The following PRAMEF13 variants were observed in gnomAD, a reference collection of about 807,000 sequenced individuals.
The protein encoded by PRAMEF13 is PRAME family member 13, also known as PRAME family member-like.
A neutral mutation model predicts 13.2 loss-of-function variants in PRAMEF13; 2 were observed. The ratio of observed to expected loss-of-function variants is 0.15; its 90% CI spans 0.06 to 0.48. The LOEUF (loss-of-function observed/expected upper bound fraction) is 0.48. Among genes scored for constraint, PRAMEF13 ranks in the 20% least tolerant of loss-of-function variants. PRAMEF13 has a pLI of 0.97. For missense variants in PRAMEF13, 52 were observed against 276.4 expected, an observed-to-expected ratio of 0.19 and a Z score of 5.76; for synonymous variants, 23 against 108.5, an observed-to-expected ratio of 0.21 and a Z score of 4.90.
Position 13,199,372 on chromosome 1 carries a change from A to G in PRAMEF13, c.218T>C (p.Leu73Pro), listed in dbSNP as rs1638667658. ...CAATGCTTTTAAGGTCTCCAAATGAAGCGTCTTCATCAGTGATCCCAGAGG... is the reference window on the plus strand; with the variant it reads ...CAATGCTTTTAAGGTCTCCAAATGAGGCGTCTTCATCAGTGATCCCAGAGG... ...CLPLGSLMKT[L>P]HLETLKALLE... The change falls in exon 2 of 4, where the codon CTT becomes CCT. Residue 73 changes from leucine to proline, a missense_variant. Physicochemically the swap from Leu to Pro is moderately conservative, Grantham distance 98. Transcript: ENST00000625019. The G allele has an allele frequency of 2.5e-6, 1 of 396,508 alleles. No individual in the cohort carries two copies. The highest frequency in any genetic ancestry group is 2.4e-5 in the South Asian group (1 of 41,182). The allele number at this position is 396,508 out of a possible 1,614,324, so 24.6% of individuals were successfully genotyped here.
At position 13,198,501 on chromosome 1, in the gene PRAMEF13, C is replaced by T. The variant is rs1638660376; in HGVS notation, c.693G>A (p.Met231Ile). Reference protein sequence around the residue: ...IRKLRCYLKEMKTLGKLVFSR... With the variant: ...IRKLRCYLKEIKTLGKLVFSR... ...AGAAAACGAGTTTGCCAAGAGTCTT[C>T]ATCTCCTTCAGGTAACAACGAAGCT... Residue 231 changes from methionine to isoleucine, a missense_variant, in exon 3 of 4, where the codon ATG becomes ATA. Transcript: ENST00000625019. 1 of 968,868 alleles carries T rather than the reference C, an allele frequency of 1.0e-6. No homozygotes were observed. Among genetic ancestry groups the T allele is most frequent in the African/African-American group, 1.7e-5 (1 of 60,188 alleles). The allele number at this position is 968,868 out of a possible 1,614,324, so 60.0% of individuals were successfully genotyped here. A position where few individuals can be genotyped will look rare whatever the true frequency, so the allele number is the denominator to read the frequency against.
Position 13,199,290 on chromosome 1 carries a change from T to A in PRAMEF13, c.287+13A>T. 3.6e-6 allele frequency: 1 copy of A among 280,188 alleles called. No homozygotes were observed. Among genetic ancestry groups the A allele is most frequent in the Non-Finnish European group, 6.7e-6 (1 of 148,636 alleles). The allele number at this position is 280,188 out of a possible 1,614,324, so 17.4% of individuals were successfully genotyped here. A position where few individuals can be genotyped will look rare whatever the true frequency, so the allele number is the denominator to read the frequency against. Reference sequence around the variant, plus strand: ...CCTGAGCCCTATCTACCAGCCCTCCTGGGTCACCTCACCTGGGGCGATCCT... The same window carrying A: ...CCTGAGCCCTATCTACCAGCCCTCCAGGGTCACCTCACCTGGGGCGATCCT... On this transcript the variant is annotated intron_variant, in intron 2 of 3. Coordinates refer to ENST00000625019, the MANE Select transcript of PRAMEF13 (RefSeq NM_001291380.1).
intron 1 of PRAMEF13, chr1:13,200,525 G>C (rs2100382840): frequency 1.7e-5 from 1 of 58,776 alleles, no homozygotes; most frequent in African/African-American, 3.8e-5. Flanking sequence ...GCTCACTCCT[G>C]TAATCCCAGC....
chr1:13,196,947 C>T lies in PRAMEF13; in HGVS notation c.1301G>A (p.Arg434Gln), dbSNP rs1553186832. The T allele has an allele frequency of 7.9e-5, 63 of 801,930 alleles. 18 individuals carry two copies. Among genetic ancestry groups the T allele is most frequent in the South Asian group, 7.4e-4 (41 of 55,170 alleles). The allele number at this position is 801,930 out of a possible 1,614,324, so 49.7% of individuals were successfully genotyped here. ...RVNWEIFTPL[R>Q]AELMCTLREV... is the part of the protein sequence containing the mutation. ...CCTCAGTGTACACATCAGCTCAGCC[C>T]GAAGTGGGGTGAAGATCTCCCAATT... Residue 434 changes from arginine (R) to glutamine (Q), a missense_variant, in exon 4 of 4, where the codon CGG becomes CAG. Transcript: ENST00000625019.
At position 13,196,313 on chromosome 1, in the gene PRAMEF13, C is replaced by T. The variant is rs1471889516; in HGVS notation, c.*510G>A. On this transcript the variant is annotated 3_prime_UTR_variant, in exon 4 of 4. Transcript: ENST00000625019. ...CTAGATATTTCTGGTGGATAAATTG[C>T]TACAACAGGTTAAAAGTTTTCATTC... 2 of 32,722 alleles carry T rather than the reference C, an allele frequency of 6.1e-5. 1 individual carries two copies. Among genetic ancestry groups the T allele is most frequent in the Non-Finnish European group, 1.0e-4 (2 of 19,828 alleles). 2.0% of individuals were successfully genotyped at this position (32,722 alleles called of 1,614,324 possible).
At chr1:13,197,619 C>CT (rs1187944365) in intron 3 of PRAMEF13, 2,164 of 111,096 alleles carry the variant, frequency 0.019, 12 homozygotes, top group South Asian at 0.029. Context: ...TCTCTAAAGC[C>CT]TTTTTTTTTT....
chr1:13,198,885 C>T lies in PRAMEF13; in HGVS notation c.309G>A (p.Leu103=). 1.5e-6 allele frequency: 1 copy of T among 676,576 alleles called. No individual in the cohort carries two copies. The highest frequency in any genetic ancestry group is 2.1e-6 in the Non-Finnish European group (1 of 471,216). The allele number at this position is 676,576 out of a possible 1,614,324, so 41.9% of individuals were successfully genotyped here. Reference sequence around the variant, plus strand: ...AATTCTCGTCAACATCCCGCAAATCCAGCACTTGAAGTTTCCGCCTCCTGT... The same window carrying T: ...AATTCTCGTCAACATCCCGCAAATCTAGCACTTGAAGTTTCCGCCTCCTGT... ...DRPRRRKLQV[L]DLRDVDENFW... Residue 103 remains leucine, a synonymous_variant, in exon 3 of 4, where the codon CTG becomes CTA. Transcript: ENST00000625019.
rs1413583850 is a variant in PRAMEF13, at chr1:13,196,508, T to TC, written c.*314_*315insG. The TC allele has an allele frequency of 5.6e-5, 3 of 53,106 alleles. No individual in the cohort carries two copies. Among genetic ancestry groups the TC allele is most frequent in the Admixed American group, 2.9e-4 (1 of 3,416 alleles). The allele number at this position is 53,106 out of a possible 1,614,324, so 3.3% of individuals were successfully genotyped here. A position where few individuals can be genotyped will look rare whatever the true frequency, so the allele number is the denominator to read the frequency against. ...CAGCCTTGCCCCCTGCTGTTATGTT[T>TC]TCTCCCTCACACTGAGCACTTCCCT... is the stretch of plus-strand genomic sequence containing the variant. On this transcript the variant is annotated 3_prime_UTR_variant, in exon 4 of 4. Transcript: ENST00000625019.
In PRAMEF13 at chr1:13,196,893, A is replaced by G. The variant is rs1553186819; in HGVS notation, c.1355T>C (p.Ile452Thr). Reference sequence around the variant, plus strand: ...ACAGGAAGGGCAGGGGGTGGGACCAATGAAGATCCTCTTGGGCTGCCTGAC... The same window carrying G: ...ACAGGAAGGGCAGGGGGTGGGACCAGTGAAGATCCTCTTGGGCTGCCTGAC... The part of the protein sequence containing the change: ...REVRQPKRIF[I>T]GPTPCPSCGS... The change falls in exon 4 of 4, where the codon ATT becomes ACT. Residue 452 changes from isoleucine to threonine, a missense_variant. Ile to Thr is a moderately conservative substitution (Grantham distance 89, BLOSUM62 -1). Transcript: ENST00000625019. 3.7e-4 allele frequency: 213 copies of G among 569,624 alleles called. 29 individuals are homozygous for G. In the South Asian group the frequency reaches 3.8e-3, roughly 10 times the overall value. 35.3% of individuals were successfully genotyped at this position (569,624 alleles called of 1,614,324 possible). A position where few individuals can be genotyped will look rare whatever the true frequency, so the allele number is the denominator to read the frequency against.
At position 13,198,837 on chromosome 1, in the gene PRAMEF13, G is replaced by A. The variant is rs1241099153; in HGVS notation, c.357C>T (p.Ala119=). 201 of 692,014 alleles carry A rather than the reference G, an allele frequency of 2.9e-4. 8 individuals carry two copies. In the South Asian group the frequency reaches 3.3e-3, roughly 11 times the overall value. The allele number at this position is 692,014 out of a possible 1,614,324, so 42.9% of individuals were successfully genotyped here. A position where few individuals can be genotyped will look rare whatever the true frequency, so the allele number is the denominator to read the frequency against. ...DENFWARWPG[A]WALSCFPETM... ...TCTCTGGGAAGCAGGACAGGGCCCA[G>A]GCTCCAGGCCATCTGGCCCAGAAAT... is the stretch of plus-strand genomic sequence containing the variant. The change falls in exon 3 of 4, where the codon GCC becomes GCT. Residue 119 remains alanine, a synonymous_variant. Transcript: ENST00000625019.
intron 3 of PRAMEF13, chr1:13,197,619 CT>C (rs1187944365): frequency 0.077 from 8,288 of 108,080 alleles, 8 homozygotes; most frequent in South Asian, 0.13. Flanking sequence ...TCTCTAAAGC[CT>C]TTTTTTTTTT....
Position 13,198,668 on chromosome 1 carries a change from C to A in PRAMEF13, c.526G>T (p.Gly176Cys), listed in dbSNP as rs1638662195. 1 of 1,036,012 alleles carries A rather than the reference C, an allele frequency of 9.7e-7. No individual in the cohort carries two copies. The highest frequency in any genetic ancestry group is 1.4e-6 in the Non-Finnish European group (1 of 730,716). 64.2% of individuals were successfully genotyped at this position (1,036,012 alleles called of 1,614,324 possible). A position where few individuals can be genotyped will look rare whatever the true frequency, so the allele number is the denominator to read the frequency against. ...TTACTACAGCACAGGTGTACTAAAC[C>A]TCTCCTTTGGTAAACCCACTGGAAG... is the stretch of plus-strand genomic sequence containing the variant. The part of the protein sequence containing the change: ...YLFQWVYQRR[G>C]LVHLCCSKLV... Residue 176 changes from glycine to cysteine, a missense_variant, in exon 3 of 4, where the codon GGT (glycine) becomes TGT (cysteine). Physicochemically the swap from Gly to Cys is radical, Grantham distance 159. Coordinates refer to ENST00000625019, the MANE Select transcript of PRAMEF13 (RefSeq NM_001291380.1).
rs6673767 is a variant in PRAMEF13 at position 13,196,857 on chromosome 1, A to G, written c.1391T>C (p.Leu464Pro). The G allele has an allele frequency of 7.4e-4, 428 of 579,934 alleles. 145 individuals are homozygous for G. The highest frequency in any genetic ancestry group is 5.7e-3 in the African/African-American group (287 of 50,244). The allele number at this position is 579,934 out of a possible 1,614,324, so 35.9% of individuals were successfully genotyped here. The change falls in exon 4 of 4, where the codon CTG (leucine) becomes CCG (proline). Residue 464 changes from leucine to proline, a missense_variant. By Grantham distance (98) the Leu-to-Pro change is moderately conservative. Transcript: ENST00000625019. The part of the protein sequence containing the change: ...PTPCPSCGSS[L>P]SEELELHLCC Reference sequence around the variant, plus strand: ...AAGATGGAGCTCCAGTTCCTCAGACAGTGATGAGCCACAGGAAGGGCAGGG... The same window carrying G: ...AAGATGGAGCTCCAGTTCCTCAGACGGTGATGAGCCACAGGAAGGGCAGGG...
intron 1 of PRAMEF13, 192 bp from the exon 2 acceptor site, chr1:13,199,806 G>T: frequency 4.8e-6 from 1 of 209,110 alleles, no homozygotes; most frequent in South Asian, 4.2e-5. Context: ...GATCCTGAAA[G>T]CCAAGCTCTA....
At position 13,198,430 on chromosome 1, in the gene PRAMEF13, A is replaced by G; in HGVS notation, c.764T>C (p.Leu255Ser). ...STSDNELEGR[L>S]VTKFSSVFLG... is the part of the protein sequence containing the mutation. Reference sequence around the variant, plus strand: ...GAACACAGAGCTGAATTTGGTGACTAACCGTCCTTCGAGTTCATTATCTGA... The same window carrying G: ...GAACACAGAGCTGAATTTGGTGACTGACCGTCCTTCGAGTTCATTATCTGA... Residue 255 changes from leucine (L) to serine (S), a missense_variant, in exon 3 of 4, where the codon TTA becomes TCA. Physicochemically the swap from Leu to Ser is moderately radical, Grantham distance 145. Transcript: ENST00000625019. The G allele has an allele frequency of 4.0e-6, 3 of 755,144 alleles. 1 individual carries two copies. The South Asian group carries it at 4.4e-5, about 11-fold the overall frequency. 46.8% of individuals were successfully genotyped at this position (755,144 alleles called of 1,614,324 possible).
At position 13,197,415 on chromosome 1, in the gene PRAMEF13, G is replaced by A; in HGVS notation, c.867-34C>T. 4 of 176,890 alleles carry A rather than the reference G, an allele frequency of 2.3e-5. 1 individual carries two copies. The highest frequency in any genetic ancestry group is 9.2e-5 in the African/African-American group (2 of 21,804). 11.0% of individuals were successfully genotyped at this position (176,890 alleles called of 1,614,324 possible). ...ATCAAGAAGTTAGTTCTGGGCAATG[G>A]TACCAGTTAGATGAAGGTAGTGCCT... On this transcript the variant is annotated intron_variant, in intron 3 of 3. Coordinates refer to ENST00000625019, the MANE Select transcript of PRAMEF13 (RefSeq NM_001291380.1).
At chr1:13,199,163 A>G in intron 2 of PRAMEF13, 140 bp downstream of exon 2, 1 of 331,360 alleles carries the variant, frequency 3.0e-6, no homozygotes, top group South Asian at 2.6e-5. Flanking sequence ...GATCTGGACA[A>G]TGGCCAAAGC....
chr1:13,198,777 T>C lies in PRAMEF13; in HGVS notation c.417A>G (p.Pro139=), dbSNP rs1361548481. The C allele has an allele frequency of 2.5e-6, 2 of 808,666 alleles. 1 individual carries two copies. Among genetic ancestry groups the C allele is most frequent in the African/African-American group, 3.6e-5 (2 of 56,214 alleles). 50.1% of individuals were successfully genotyped at this position (808,666 alleles called of 1,614,324 possible). A position where few individuals can be genotyped will look rare whatever the true frequency, so the allele number is the denominator to read the frequency against. The change falls in exon 3 of 4, where the codon CCA becomes CCG. Residue 139 remains proline (P), a synonymous_variant. Coordinates refer to ENST00000625019, the MANE Select transcript of PRAMEF13 (RefSeq NM_001291380.1). ...MSKRQTAEDR[P]RMGEHQPLKV... is the part of the protein sequence containing the mutation. ...TTAAGGGCTGGTGCTCTCCCATCCT[T>C]GGACGGTCCTCTGCTGTCTGCCTCT...
Position 13,198,623 on chromosome 1 carries a change from G to A in PRAMEF13, c.571C>T (p.Pro191Ser). Reference protein sequence around the residue: ...CCSKLVNYLTPIKHLRKSLKI... With the variant: ...CCSKLVNYLTSIKHLRKSLKI... ...AATGACTTTCTGAGATGTTTAATCGGCGTTAGATAATTGACCAGCTTACTA... is the reference window on the plus strand; with the variant it reads ...AATGACTTTCTGAGATGTTTAATCGACGTTAGATAATTGACCAGCTTACTA... The change falls in exon 3 of 4, where the codon CCG (proline) becomes TCG (serine). Residue 191 changes from proline to serine, a missense_variant. Physicochemically the swap from Pro to Ser is moderately conservative, Grantham distance 74. Transcript: ENST00000625019. The A allele has an allele frequency of 1.8e-6, 2 of 1,130,546 alleles. 1 individual carries two copies. Among genetic ancestry groups the A allele is most frequent in the Non-Finnish European group, 2.5e-6 (2 of 806,106 alleles). 70.0% of individuals were successfully genotyped at this position (1,130,546 alleles called of 1,614,324 possible). A position where few individuals can be genotyped will look rare whatever the true frequency, so the allele number is the denominator to read the frequency against.
Sources: allele counts gnomAD v4.1 joint callset, GRCh38; gene constraint gnomAD v4.1.1; transcripts MANE v1.5; gene names NCBI Gene and HGNC (gene_info 2026-07-23, HGNC 2026-07-21).